The following FAM107B variants were observed in gnomAD, a reference collection of about 807,000 sequenced individuals.
FAM107B encodes protein FAM107B.
In FAM107B, 21 loss-of-function variants were observed where a neutral mutation model predicts 31.5. The observed-to-expected ratio is 0.67, with a 90% CI of 0.47 to 0.96. The LOEUF is 0.96. Ranked by LOEUF, FAM107B falls within the 40% of genes least tolerant of loss-of-function variation. FAM107B has a pLI of 0.00. For missense variants in FAM107B, 452 were observed against 377.1 expected, an observed-to-expected ratio of 1.20 and a Z score of -1.64; for synonymous variants, 157 against 141.5, an observed-to-expected ratio of 1.11 and a Z score of -0.78.
intron 1 of FAM107B, among the ~76,000 whole-genome samples, chr10:14,764,576 T>C (rs1269725218): frequency 6.6e-6 from 1 of 152,200 alleles, no homozygotes; most frequent in Non-Finnish European, 1.5e-5. Flanking sequence ...GTCAATCTTA[T>C]ATTGGAAAAA....
chr10:14,592,308 G>C (rs1444692238), intron 2 of FAM107B, among the ~76,000 whole-genome samples: 2 of 152,206 alleles, frequency 1.3e-5, no homozygotes, highest in South Asian at 2.1e-4. Context: ...TACTAGTGCG[G>C]AAATGTACAG....
chr10:14,699,649 G>A (rs1047636007), intron 1 of FAM107B, among the ~76,000 whole-genome samples: 6 of 152,154 alleles, frequency 3.9e-5, no homozygotes, highest in Non-Finnish European at 8.8e-5. Context: ...TCTCTTCCAG[G>A]AACACCCTCA....
intron 2 of FAM107B, among the ~76,000 whole-genome samples, chr10:14,531,749 G>A (rs957451528): frequency 1.3e-5 from 2 of 152,032 alleles, no homozygotes; most frequent in Admixed American, 6.6e-5. Context: ...CAGGAGAATC[G>A]CTTGAAGCCA....
Position 14,723,341 on chromosome 10 carries a change from G to T in FAM107B, c.411+50912C>A. 6 of 544,534 alleles carry T rather than the reference G, an allele frequency of 1.1e-5. No homozygotes were observed. The Admixed American group carries it at 1.1e-4, about 10-fold the overall frequency. The allele number at this position is 544,534 out of a possible 1,614,324, so 33.7% of individuals were successfully genotyped here. A position where few individuals can be genotyped will look rare whatever the true frequency, so the allele number is the denominator to read the frequency against. On this transcript the variant is annotated intron_variant, in intron 1 of 4. Coordinates refer to ENST00000181796, the MANE Select transcript of FAM107B (RefSeq NM_031453.4). ...GTCTGCAACCTCAGGCTAAGTAGCA[G>T]TGAACTCAGGTGCTGGAGCAGTCGA...
At position 14,723,893 on chromosome 10, in the gene FAM107B, A is replaced by G. The variant is rs1281463864; in HGVS notation, c.411+50360T>C. The G allele has an allele frequency of 5.6e-5, 42 of 753,424 alleles. No individual in the cohort carries two copies. The East Asian group carries it at 9.8e-4, about 18-fold the overall frequency. The allele number at this position is 753,424 out of a possible 1,614,324, so 46.7% of individuals were successfully genotyped here. ...TGAACTGCCAGCAGAAGCTTCTCCC[A>G]GGTCCTCTTCAGATTTATGATGTAG... On this transcript the variant is annotated intron_variant, in intron 1 of 4. Transcript: ENST00000181796.
intron 2 of FAM107B, chr10:14,542,760 C>T (rs1848338830): frequency 6.6e-6 from 1 of 152,224 alleles, no homozygotes; most frequent in East Asian, 1.9e-4. Flanking sequence ...CTCTAACCAA[C>T]AGACGTGCTT....
intron 1 of FAM107B, among the ~76,000 whole-genome samples, chr10:14,698,594 A>C (rs1855322675): frequency 6.6e-6 from 1 of 152,194 alleles, no homozygotes; most frequent in Non-Finnish European, 1.5e-5. Flanking sequence ...CACTCATTTC[A>C]TATGTGGACA....
chr10:14,669,342 C>A (rs1207576951), intron 1 of FAM107B, among the ~76,000 whole-genome samples: 1 of 136,642 alleles, frequency 7.3e-6, no homozygotes, highest in East Asian at 2.1e-4. Flanking sequence ...TGTACTCCAG[C>A]CTGGGCCACA....
chr10:14,766,018 T>C (rs963089715), intron 1 of FAM107B, among the ~76,000 whole-genome samples: 1 of 152,178 alleles, frequency 6.6e-6, no homozygotes, highest in Non-Finnish European at 1.5e-5. Flanking sequence ...AGCACTGACA[T>C]CTGCAGATGG....
chr10:14,528,996 C>CTAT (rs1355739216), intron 3 of FAM107B, among the ~76,000 whole-genome samples: 1 of 152,194 alleles, frequency 6.6e-6, no homozygotes, highest in East Asian at 1.9e-4. Flanking sequence ...CTACCTTACA[C>CTAT]TTTATAGATA....
intron 2 of FAM107B, 43 bp downstream of exon 2, chr10:14,667,591 G>A (rs778618576): frequency 3.0e-5 from 48 of 1,605,846 alleles, no homozygotes; most frequent in Non-Finnish European, 4.1e-5. Flanking sequence ...ACTTCTGTCA[G>A]CAACAGCAGC....
intron 2 of FAM107B, among the ~76,000 whole-genome samples, chr10:14,557,361 A>T (rs1489862992): frequency 6.6e-6 from 1 of 152,230 alleles, no homozygotes; most frequent in Non-Finnish European, 1.5e-5. Context: ...ATACCTCAAT[A>T]AATTGTGCAT....
chr10:14,584,642 G>A (rs947531003), intron 2 of FAM107B, among the ~76,000 whole-genome samples: 12 of 152,156 alleles, frequency 7.9e-5, no homozygotes, highest in Non-Finnish European at 1.5e-4. Flanking sequence ...TCCAAGATAC[G>A]GACCCTGTGA....
intron 2 of FAM107B, 119 bp from the exon 3 acceptor site, chr10:14,530,634 T>G: frequency 1.1e-6 from 1 of 892,180 alleles, no homozygotes; most frequent in Non-Finnish European, 1.7e-6. Flanking sequence ...CTGAGTCCAC[T>G]CTGGGGCATC....
chr10:14,752,429 T>A (rs10906753), intron 1 of FAM107B, among the ~76,000 whole-genome samples: 31,316 of 151,978 alleles, frequency 0.21, 4,427 homozygotes, highest in African/African-American at 0.4. Flanking sequence ...TTCAGACGAG[T>A]GTTTTGCTTC....
intron 2 of FAM107B, among the ~76,000 whole-genome samples, chr10:14,584,785 C>T (rs1233537424): frequency 6.6e-6 from 1 of 152,170 alleles, no homozygotes; most frequent in Admixed American, 6.5e-5. Context: ...CCCCTTGCAA[C>T]CCCCACCTTT....
intron 2 of FAM107B, among the ~76,000 whole-genome samples, chr10:14,619,098 C>T (rs1852928400): frequency 6.6e-6 from 1 of 152,162 alleles, no homozygotes; most frequent in African/African-American, 2.4e-5. Flanking sequence ...GAGGGAGCTT[C>T]AGAGGGATTT....
chr10:14,722,593 T>G (rs1314929641), intron 1 of FAM107B, among the ~76,000 whole-genome samples: 2 of 152,240 alleles, frequency 1.3e-5, no homozygotes, highest in African/African-American at 4.8e-5. Context: ...AATCTTGTCA[T>G]GTAATTCTTG....
At chr10:14,709,123 G>A (rs1855583571) in intron 1 of FAM107B, among the ~76,000 whole-genome samples, 1 of 152,146 alleles carries the variant, frequency 6.6e-6, no homozygotes, top group South Asian at 2.1e-4. Context: ...AGCCACTTTG[G>A]AAGACAGTTT....
Sources: allele counts gnomAD v4.1 joint callset (sites outside exome capture counted in the v4.1 genomes callset), GRCh38; gene constraint gnomAD v4.1.1; transcripts MANE v1.5; gene names NCBI Gene and HGNC (gene_info 2026-07-23, HGNC 2026-07-21).